The following PRKCA variants were observed in gnomAD, a reference collection of about 807,000 sequenced individuals.
PRKCA encodes protein kinase C alpha, also known as protein kinase C alpha type.
In PRKCA, 27 loss-of-function variants were observed where a neutral mutation model predicts 87.0. The ratio of observed to expected loss-of-function variants is 0.31; its 90% CI spans 0.23 to 0.43. The LOEUF (loss-of-function observed/expected upper bound fraction) is 0.43, where lower values mean the gene tolerates loss of function less well. Among genes scored for constraint, PRKCA ranks in the 20% least tolerant of loss-of-function variants. The pLI, the probability that PRKCA is intolerant of heterozygous loss-of-function variation, is 1.00. For synonymous variants in PRKCA, 329 were observed against 311.1 expected (o/e 1.06, Z -0.61); for missense variants, 518 against 852.3 (o/e 0.61, Z 4.88).
intron 5 of PRKCA, among the ~76,000 whole-genome samples, chr17:66,653,424 T>C: frequency 6.6e-6 from 1 of 151,584 alleles, no homozygotes; most frequent in Non-Finnish European, 1.5e-5. Flanking sequence ...CAAGACCTCG[T>C]CTACACAAAA....
In PRKCA at chr17:66,573,919, A is replaced by G. The variant is rs9906752; in HGVS notation, c.289-67436A>G. Among the ~76,000 whole-genome samples, 484 of 152,304 alleles carry G rather than the reference A, an allele frequency of 3.2e-3. 5 individuals are homozygous for G. The highest frequency in any genetic ancestry group is 0.011 in the African/African-American group (450 of 41,564). On this transcript the variant is annotated intron_variant, in intron 3 of 16. Transcript: ENST00000413366. ...ACTGGAGGATCACTTGAGGCCAAAG[A>G]GTTTGAAACCAGCCTGGGTTTAACA...
intron 13 of PRKCA, among the ~76,000 whole-genome samples, chr17:66,762,303 A>C (rs1175748981): frequency 1.3e-5 from 2 of 152,222 alleles, no homozygotes; most frequent in East Asian, 3.8e-4. Context: ...AATGTTAGGC[A>C]GTATGGAGTT....
chr17:66,663,803 C>A (rs1482163964), intron 5 of PRKCA, among the ~76,000 whole-genome samples: 1 of 152,010 alleles, frequency 6.6e-6, no homozygotes, highest in Non-Finnish European at 1.5e-5. Context: ...TCACTGATCA[C>A]TGTGTTGTGG....
intron 2 of PRKCA, among the ~76,000 whole-genome samples, chr17:66,449,259 A>G (rs1454067343): frequency 2.0e-5 from 3 of 152,192 alleles, no homozygotes; most frequent in Non-Finnish European, 4.4e-5. Context: ...ACTGCACTCC[A>G]GCCTGGGCAA....
chr17:66,788,686 C>T (rs1415913436), intron 15 of PRKCA, among the ~76,000 whole-genome samples, 153 bp from the exon 16 acceptor site: 2 of 152,158 alleles, frequency 1.3e-5, no homozygotes, highest in Non-Finnish European at 2.9e-5. Context: ...GGCTTCACTT[C>T]GTACAAGCCA....
intron 3 of PRKCA, among the ~76,000 whole-genome samples, chr17:66,503,773 A>G (rs904632953): frequency 1.3e-5 from 2 of 152,220 alleles, no homozygotes; most frequent in African/African-American, 4.8e-5. Flanking sequence ...CATTTCAAAG[A>G]TTCATTTATA....
At chr17:66,317,932 A>G (rs1379960694) in intron 2 of PRKCA, among the ~76,000 whole-genome samples, 1 of 152,260 alleles carries the variant, frequency 6.6e-6, no homozygotes, top group South Asian at 2.1e-4. Flanking sequence ...AGTATTTACA[A>G]TGTAGAAAAT....
intron 5 of PRKCA, among the ~76,000 whole-genome samples, chr17:66,647,297 G>T (rs1971481983): frequency 6.6e-6 from 1 of 152,180 alleles, no homozygotes; most frequent in South Asian, 2.1e-4. Flanking sequence ...GAATGCCTAT[G>T]GCTAAACATG....
At chr17:66,385,544 A>AT (rs1482723984) in intron 2 of PRKCA, among the ~76,000 whole-genome samples, 1 of 152,094 alleles carries the variant, frequency 6.6e-6, no homozygotes, top group Non-Finnish European at 1.5e-5. Context: ...AACTTGTAAT[A>AT]TTTTTTATAA....
chr17:66,438,985 G>A (rs530566138), intron 2 of PRKCA, among the ~76,000 whole-genome samples: 1 of 152,200 alleles, frequency 6.6e-6, no homozygotes, highest in South Asian at 2.1e-4. Context: ...GGAGAACAGG[G>A]AATGAAACAT....
chr17:66,340,192 A>G (rs952681221), intron 2 of PRKCA: 1 of 152,058 alleles, frequency 6.6e-6, no homozygotes, highest in Non-Finnish European at 1.5e-5. Flanking sequence ...CACGCTACAC[A>G]CCATAAAATG....
chr17:66,800,214 G>T (rs1229240184), intron 16 of PRKCA, among the ~76,000 whole-genome samples: 1 of 152,236 alleles, frequency 6.6e-6, no homozygotes, highest in African/African-American at 2.4e-5. Context: ...CCCTCTTTGA[G>T]TTCAGGGAAA....
intron 8 of PRKCA, among the ~76,000 whole-genome samples, chr17:66,710,618 G>A (rs1353663424): frequency 6.6e-6 from 1 of 151,942 alleles, no homozygotes; most frequent in Non-Finnish European, 1.5e-5. Context: ...ACACCTACTT[G>A]TGTCTTAGTC....
intron 16 of PRKCA, among the ~76,000 whole-genome samples, chr17:66,791,507 A>C (rs921738951): frequency 1.3e-5 from 2 of 152,212 alleles, no homozygotes; most frequent in Non-Finnish European, 2.9e-5. Context: ...AAAAGCGGAG[A>C]GCGTCAAGGG....
intron 3 of PRKCA, among the ~76,000 whole-genome samples, chr17:66,615,876 C>T (rs1019880055): frequency 3.9e-5 from 6 of 152,146 alleles, no homozygotes; most frequent in Non-Finnish European, 8.8e-5. Context: ...TTCAAGGAAT[C>T]CCCCCAGCTC....
chr17:66,355,854 T>G (rs1057395470), intron 2 of PRKCA, among the ~76,000 whole-genome samples: 2 of 152,216 alleles, frequency 1.3e-5, no homozygotes, highest in Non-Finnish European at 2.9e-5. Flanking sequence ...AAAATATACC[T>G]TCCCAATTAT....
At chr17:66,375,748 G>A (rs116180997) in intron 2 of PRKCA, among the ~76,000 whole-genome samples, 1,911 of 152,220 alleles carry the variant, frequency 0.013, 44 homozygotes, top group African/African-American at 0.044. Flanking sequence ...GAAAAGAGAT[G>A]CAATGAAGAG....
chr17:66,777,853 A>G (rs1479975394), intron 14 of PRKCA: 1 of 985,414 alleles, frequency 1.0e-6, no homozygotes. Context: ...TTCAGAACCC[A>G]GGTCTGCAGG....
intron 2 of PRKCA, chr17:66,416,550 A>G (rs954140613): frequency 3.9e-5 from 6 of 152,224 alleles, no homozygotes; most frequent in Non-Finnish European, 8.8e-5. Context: ...GACCTTAATT[A>G]TAACAGCTGA....
Sources: gnomAD v4.1 joint callset for allele counts (sites outside exome capture counted in the v4.1 genomes callset) on GRCh38, gnomAD v4.1.1 for gene constraint, MANE v1.5 for transcripts, NCBI Gene and HGNC (gene_info 2026-07-23, HGNC 2026-07-21) for gene names.